Variants in MICAL2 observed in about 807,000 individuals in gnomAD.
MICAL2 encodes the protein [F-actin]-monooxygenase MICAL2.
Under a neutral mutation model 127.3 loss-of-function variants are expected in MICAL2, and 77 were observed. The observed-to-expected ratio is 0.60, with a 90% CI of 0.50 to 0.73. MICAL2 has a LOEUF of 0.73. MICAL2 is among the 30% of genes least tolerant of loss of function. MICAL2 has a pLI of 0.00. For synonymous variants in MICAL2, 570 were observed against 551.1 expected (o/e 1.03, Z -0.48); for missense variants, 1,351 against 1,434.4 (o/e 0.94, Z 0.94).
Position 12,240,717 on chromosome 11 carries a change from G to A in MICAL2, c.2215-323G>A, listed in dbSNP as rs1859794509. On this transcript the variant is annotated intron_variant, in intron 17 of 27. Coordinates refer to ENST00000683283, the MANE Select transcript of MICAL2 (RefSeq NM_001282663.2). ...GTAGACTCCTGGGCCAGCCACCCTG[G>A]CCTAGCCACCCTGGCCTGGCATGGG... Among the ~76,000 whole-genome samples the A allele has an allele frequency of 2.0e-5, 3 of 152,304 alleles. No homozygotes were observed. In the South Asian group the frequency reaches 6.2e-4, roughly 32 times the overall value.
rs368158738 is a variant in MICAL2 at position 12,186,412 on chromosome 11, AT to A, written c.265-17835del. Among the ~76,000 whole-genome samples the A allele has an allele frequency of 2.7e-3, 412 of 152,302 alleles. 3 individuals are homozygous for A. Among genetic ancestry groups the A allele is most frequent in the African/African-American group, 9.2e-3 (382 of 41,572 alleles). On this transcript the variant is annotated intron_variant, in intron 3 of 27. Coordinates refer to ENST00000683283, the MANE Select transcript of MICAL2 (RefSeq NM_001282663.2). ...TAGAGTAAATTTAATGACAACTATCATTTGTAAAAGGCATCATAATTTACAA... is the reference window on the plus strand; with the variant it reads ...TAGAGTAAATTTAATGACAACTATCATTGTAAAAGGCATCATAATTTACAA...
At chr11:12,113,316 T>G (rs1473866075) in intron 1 of MICAL2, among the ~76,000 whole-genome samples, 2 of 152,070 alleles carry the variant, frequency 1.3e-5, no homozygotes, top group African/African-American at 4.8e-5. Context: ...GAGGCTGAGG[T>G]AGGAGGATCA....
At chr11:12,171,230 G>GA (rs913999388) in intron 3 of MICAL2, among the ~76,000 whole-genome samples, 1 of 152,060 alleles carries the variant, frequency 6.6e-6, no homozygotes, top group African/African-American at 2.4e-5. Flanking sequence ...TTTTCTTGGA[G>GA]AAAAAAAGAA....
intron 29 of MICAL2, among the ~76,000 whole-genome samples, chr11:12,307,033 T>A (rs1864119389): frequency 6.6e-6 from 1 of 152,240 alleles, no homozygotes; most frequent in African/African-American, 2.4e-5. Flanking sequence ...TTTAAACTTG[T>A]CAAATTATTT....
chr11:12,224,692 C>A lies in MICAL2; in HGVS notation c.1560C>A (p.Ser520Arg), dbSNP rs551546075. The A allele has an allele frequency of 7.8e-5, 126 of 1,614,082 alleles. No homozygotes were observed. In the South Asian group the frequency reaches 9.0e-4, roughly 12 times the overall value. The change falls in exon 13 of 28, where the codon AGC becomes AGA. Residue 520 changes from serine (S) to arginine (R), a missense_variant. By Grantham distance (110) the Ser-to-Arg change is moderately radical. Transcript: ENST00000683283. ...TTGCAGAGTCAGATATCCGGCCCAG[C>A]AAGCTCCTGACCTGGTGCCAGCAGC... Reference protein sequence around the residue: ...LSRKESDIRPSKLLTWCQQQT... With the variant: ...LSRKESDIRPRKLLTWCQQQT...
chr11:12,255,970 TAG>T (rs1862278515), intron 23 of MICAL2: 1 of 497,276 alleles, frequency 2.0e-6, no homozygotes, highest in African/African-American at 1.9e-5. Flanking sequence ...TTTTTGAAAA[TAG>T]AGATCTTCCT....
At chr11:12,168,749 C>T (rs942831564) in intron 3 of MICAL2, among the ~76,000 whole-genome samples, 2 of 151,244 alleles carry the variant, frequency 1.3e-5, no homozygotes, top group East Asian at 1.9e-4. Flanking sequence ...TAGGGTGAGA[C>T]CGGGCAAGTG....
At chr11:12,281,220 G>A (rs540796318) in intron 2 of MICAL2, 14 of 397,136 alleles carry the variant, frequency 3.5e-5, no homozygotes, top group East Asian at 1.8e-4. Flanking sequence ...GCTTCAAGGC[G>A]GTGGGGCTAG....
intron 3 of MICAL2, 53 bp downstream of exon 3, chr11:12,162,472 T>A: frequency 3.8e-6 from 6 of 1,598,108 alleles, no homozygotes; most frequent in Non-Finnish European, 4.3e-6. Context: ...GGTTGACATT[T>A]GGGAGGTTAG....
At chr11:12,120,741 T>C (rs1029091110) in intron 1 of MICAL2, among the ~76,000 whole-genome samples, 1 of 152,184 alleles carries the variant, frequency 6.6e-6, no homozygotes, top group Non-Finnish European at 1.5e-5. Flanking sequence ...CTAGAGAAGC[T>C]GAGGCTGGAA....
At chr11:12,189,199 T>G (rs1425985486) in intron 3 of MICAL2, among the ~76,000 whole-genome samples, 2 of 152,230 alleles carry the variant, frequency 1.3e-5, no homozygotes, top group Non-Finnish European at 2.9e-5. Flanking sequence ...GTGGGACCTC[T>G]GCATCTGCTG....
chr11:12,155,382 CAT>C (rs1275662438), intron 2 of MICAL2, among the ~76,000 whole-genome samples: 2 of 152,158 alleles, frequency 1.3e-5, no homozygotes, highest in Non-Finnish European at 2.9e-5. Context: ...TTTGCGCACA[CAT>C]GAATACACAT....
intron 1 of MICAL2, among the ~76,000 whole-genome samples, chr11:12,112,464 C>T (rs1443968765): frequency 6.7e-6 from 1 of 148,766 alleles, no homozygotes; most frequent in Admixed American, 6.7e-5. Flanking sequence ...CTCTGAGAAG[C>T]TGGCTTCTGG....
chr11:12,346,315 C>T (rs1022006947), intron 32 of MICAL2, among the ~76,000 whole-genome samples: 1 of 152,134 alleles, frequency 6.6e-6, no homozygotes, highest in African/African-American at 2.4e-5. Context: ...TACTGTGTGC[C>T]AGGACTGGGA....
At chr11:12,308,388 A>G (rs953880768) in intron 29 of MICAL2, among the ~76,000 whole-genome samples, 1 of 152,184 alleles carries the variant, frequency 6.6e-6, no homozygotes, top group African/African-American at 2.4e-5. Flanking sequence ...TGGTCTTTCA[A>G]TCCATGAAAA....
chr11:12,287,009 A>C, intron 2 of MICAL2: 1 of 398,744 alleles, frequency 2.5e-6, no homozygotes, highest in Non-Finnish European at 4.4e-6. Flanking sequence ...GCTATAGGAG[A>C]TAAATTCCTA....
rs757547160 is a variant in MICAL2 at position 12,242,758 on chromosome 11, G to C, written c.2644G>C (p.Gly882Arg). ...AAHLASMFGH[G>R]DFPQNKLLSK... The stretch of plus-strand genomic sequence containing the variant: ...TCACCTTGCCTCCATGTTTGGACAC[G>C]GGGATTTCCCGCAGGTAAACATGGG... Residue 882 changes from glycine to arginine, a missense_variant, in exon 20 of 28, where the codon GGG becomes CGG. By Grantham distance (125) the Gly-to-Arg change is moderately radical. This residue lies in a region of MICAL2 where 752 missense variants were observed against 719.4 expected (regional missense o/e 1.05). Coordinates refer to ENST00000683283, the MANE Select transcript of MICAL2 (RefSeq NM_001282663.2). 1.2e-6 allele frequency: 2 copies of C among 1,607,454 alleles called. No individual in the cohort carries two copies. Among genetic ancestry groups the C allele is most frequent in the Non-Finnish European group, 8.5e-7 (1 of 1,177,882 alleles).
chr11:12,187,735 A>T (rs1404135135), intron 3 of MICAL2, among the ~76,000 whole-genome samples: 4 of 151,992 alleles, frequency 2.6e-5, no homozygotes, highest in African/African-American at 9.7e-5. Context: ...CTTCTCGGCT[A>T]TCTTGCTGGT....
chr11:12,216,289 G>C lies in MICAL2; in HGVS notation c.918G>C (p.Gln306His). Residue 306 changes from glutamine to histidine, a missense_variant, in exon 8 of 28, where the codon CAG becomes CAC. Gln to His is a conservative substitution (Grantham distance 24, BLOSUM62 0). Coordinates refer to ENST00000683283, the MANE Select transcript of MICAL2 (RefSeq NM_001282663.2). ...ATTTTGTAATGACAGCCAAGAAGCAGAGCCTGCTCGACAAAGGTGTCATCA... is the reference window on the plus strand; with the variant it reads ...ATTTTGTAATGACAGCCAAGAAGCACAGCCTGCTCGACAAAGGTGTCATCA... Reference protein sequence around the residue: ...THYFVMTAKKQSLLDKGVIIN... With the variant: ...THYFVMTAKKHSLLDKGVIIN... The C allele has an allele frequency of 6.2e-7, 1 of 1,614,036 alleles. No individual in the cohort carries two copies. The highest frequency in any genetic ancestry group is 8.5e-7 in the Non-Finnish European group (1 of 1,179,960).
Sources: allele counts gnomAD v4.1 joint callset (sites outside exome capture counted in the v4.1 genomes callset), GRCh38; gene constraint gnomAD v4.1.1; regional missense constraint gnomAD v4.1.1; transcripts MANE v1.5; gene names NCBI Gene and HGNC (gene_info 2026-07-23, HGNC 2026-07-21).